Variants in KCND2 observed in about 807,000 individuals in gnomAD.
The protein encoded by KCND2 is A-type voltage-gated potassium channel KCND2.
In KCND2, 16 loss-of-function variants were observed where a neutral mutation model predicts 54.4. That is an observed-to-expected ratio of 0.29 (90% confidence interval 0.20 to 0.45). The LOEUF (loss-of-function observed/expected upper bound fraction) is 0.45, where lower values mean the gene tolerates loss of function less well. Ranked by LOEUF, KCND2 falls within the 20% of genes least tolerant of loss-of-function variation. The pLI is 1.00. For synonymous variants in KCND2, 317 were observed against 310.7 expected (o/e 1.02, Z -0.21); for missense variants, 486 against 824.2 (o/e 0.59, Z 5.02).
chr7:120,573,376 T>C (rs559712603), intron 1 of KCND2, among the ~76,000 whole-genome samples: 2 of 152,320 alleles, frequency 1.3e-5, no homozygotes, highest in Admixed American at 6.5e-5. Flanking sequence ...ACTAAAATGT[T>C]GAAAGTCTCT....
chr7:120,669,442 G>A (rs1791965013), intron 1 of KCND2, among the ~76,000 whole-genome samples: 1 of 151,826 alleles, frequency 6.6e-6, no homozygotes, highest in African/African-American at 2.4e-5. Context: ...AATAATGAAT[G>A]GTGAAATATT....
Position 120,745,928 on chromosome 7 carries a change from G to A in KCND2, c.1616G>A (p.Arg539His), listed in dbSNP as rs376772376. Reference sequence around the variant, plus strand: ...TCACGACGACACAAAAAAACTTTTCGCATCCCAAATGCCAATGTATCAGGA... The same window carrying A: ...TCACGACGACACAAAAAAACTTTTCACATCCCAAATGCCAATGTATCAGGA... Reference protein sequence around the residue: ...CCSRRHKKTFRIPNANVSGSH... With the variant: ...CCSRRHKKTFHIPNANVSGSH... The change falls in exon 5 of 6, where the codon CGC becomes CAC. Residue 539 changes from arginine (R) to histidine (H), a missense_variant. Coordinates refer to ENST00000331113, the MANE Select transcript of KCND2 (RefSeq NM_012281.3). 30 of 1,613,684 alleles carry A rather than the reference G, an allele frequency of 1.9e-5. No individual in the cohort carries two copies. The highest frequency in any genetic ancestry group is 1.6e-4 in the Middle Eastern group (1 of 6,082).
chr7:120,697,123 A>G (rs964113566), intron 1 of KCND2, among the ~76,000 whole-genome samples: 1 of 152,166 alleles, frequency 6.6e-6, no homozygotes, highest in Admixed American at 6.5e-5. Flanking sequence ...TTCCCTAAGC[A>G]CTAATAAATG....
chr7:120,340,086 A>T (rs1800218961), intron 1 of KCND2, among the ~76,000 whole-genome samples: 1 of 152,176 alleles, frequency 6.6e-6, no homozygotes, highest in Admixed American at 6.5e-5. Flanking sequence ...CACTGAGATG[A>T]AGAACTAGTA....
At chr7:120,552,246 C>G (rs1792112620) in intron 1 of KCND2, among the ~76,000 whole-genome samples, 1 of 152,052 alleles carries the variant, frequency 6.6e-6, no homozygotes, top group East Asian at 1.9e-4. Context: ...AAGAGAATAA[C>G]CATTGTGTTT....
Position 120,410,543 on chromosome 7 carries a change from C to A in KCND2, c.1115+134796C>A, listed in dbSNP as rs1428304139. Among the ~76,000 whole-genome samples the A allele has an allele frequency of 5.3e-5, 8 of 151,744 alleles. No homozygotes were observed. The East Asian group carries it at 1.2e-3, about 22-fold the overall frequency. ...ATATCTCTACATTTATTTATGTCTTCTTTAATTCTTTTTCTTATTATACTT... is the reference window on the plus strand; with the variant it reads ...ATATCTCTACATTTATTTATGTCTTATTTAATTCTTTTTCTTATTATACTT... On this transcript the variant is annotated intron_variant, in intron 1 of 5. Transcript: ENST00000331113.
intron 1 of KCND2, among the ~76,000 whole-genome samples, chr7:120,665,689 CA>C (rs1791918147): frequency 6.6e-6 from 1 of 152,016 alleles, no homozygotes; most frequent in Admixed American, 6.6e-5. Flanking sequence ...TTGTTAAAGT[CA>C]TTTAATTTAC....
At chr7:120,324,725 A>T (rs905550730) in intron 1 of KCND2, among the ~76,000 whole-genome samples, 1 of 152,004 alleles carries the variant, frequency 6.6e-6, no homozygotes, top group African/African-American at 2.4e-5. Context: ...ATTTGAAGTC[A>T]GGTAGTGTGA....
At chr7:120,535,816 A>G (rs1791899762) in intron 1 of KCND2, among the ~76,000 whole-genome samples, 1 of 152,184 alleles carries the variant, frequency 6.6e-6, no homozygotes, top group African/African-American at 2.4e-5. Flanking sequence ...AGCAGGATGA[A>G]GGCATCCAGC....
intron 1 of KCND2, among the ~76,000 whole-genome samples, chr7:120,350,431 T>C (rs1800384997): frequency 6.6e-6 from 1 of 152,160 alleles, no homozygotes; most frequent in South Asian, 2.1e-4. Flanking sequence ...ATAATCAATG[T>C]TGGACAAGTT....
intron 1 of KCND2, among the ~76,000 whole-genome samples, chr7:120,576,312 T>C (rs1792433761): frequency 6.6e-6 from 1 of 152,210 alleles, no homozygotes; most frequent in Admixed American, 6.5e-5. Flanking sequence ...TTTAATGTTA[T>C]AACAAAAATA....
At chr7:120,489,263 T>C (rs1164327208) in intron 1 of KCND2, among the ~76,000 whole-genome samples, 5 of 152,130 alleles carry the variant, frequency 3.3e-5, no homozygotes, top group Non-Finnish European at 5.9e-5. Flanking sequence ...TGAACACTCT[T>C]AATTTGATAT....
At chr7:120,406,808 A>T (rs750608004) in intron 1 of KCND2, among the ~76,000 whole-genome samples, 4 of 152,020 alleles carry the variant, frequency 2.6e-5, no homozygotes, top group Non-Finnish European at 4.4e-5. Context: ...ATCGTTTTTA[A>T]GATAAGAATG....
chr7:120,373,887 G>A (rs1303465345), intron 1 of KCND2, among the ~76,000 whole-genome samples: 1 of 151,514 alleles, frequency 6.6e-6, no homozygotes, highest in Non-Finnish European at 1.5e-5. Context: ...TTTCCATTAT[G>A]AATTTTTAAA....
intron 1 of KCND2, among the ~76,000 whole-genome samples, chr7:120,673,651 T>G (rs1351324622): frequency 6.6e-6 from 1 of 152,154 alleles, no homozygotes; most frequent in African/African-American, 2.4e-5. Context: ...ACAGCCAGAA[T>G]AAATTTAAAA....
At chr7:120,734,678 CT>C (rs1237137976) in intron 2 of KCND2, among the ~76,000 whole-genome samples, 2 of 152,114 alleles carry the variant, frequency 1.3e-5, no homozygotes, top group Non-Finnish European at 2.9e-5. Context: ...TTCCTTTGGA[CT>C]TATGGCACTG....
At chr7:120,571,019 G>A (rs539347047) in intron 1 of KCND2, among the ~76,000 whole-genome samples, 8 of 152,112 alleles carry the variant, frequency 5.3e-5, no homozygotes, top group African/African-American at 1.4e-4. Context: ...TCAAGTCTCC[G>A]CTGTCTTACC....
At chr7:120,625,360 C>T (rs538650003) in intron 1 of KCND2, among the ~76,000 whole-genome samples, 9 of 152,296 alleles carry the variant, frequency 5.9e-5, no homozygotes, top group Non-Finnish European at 1.3e-4. Flanking sequence ...CTGGATTTTT[C>T]TCTAAGCTTT....
At chr7:120,397,973 G>GT (rs1491486658) in intron 1 of KCND2, among the ~76,000 whole-genome samples, 1 of 35,512 alleles carries the variant, frequency 2.8e-5, no homozygotes, top group Non-Finnish European at 1.0e-4. Context: ...GTGTATATAA[G>GT]TGTGTGTGTG....
Sources: allele counts gnomAD v4.1 joint callset (sites outside exome capture counted in the v4.1 genomes callset), GRCh38; gene constraint gnomAD v4.1.1; transcripts MANE v1.5; gene names NCBI Gene and HGNC (gene_info 2026-07-23, HGNC 2026-07-21).